Variants in LYVE1 observed in about 807,000 individuals in gnomAD.
The protein encoded by LYVE1 is lymphatic vessel endothelial hyaluronan receptor 1.
LYVE1 carries 29 observed loss-of-function variants against 31.5 expected under a neutral mutation model. The ratio of observed to expected loss-of-function variants is 0.92; its 90% CI spans 0.69 to 1.26. The LOEUF is 1.26. Ranked by LOEUF, LYVE1 falls within the 50% of genes most tolerant of loss-of-function variation. The probability of loss-of-function intolerance (pLI) is 0.00; values close to 1 mark genes in which losing one functional copy is unlikely to be tolerated. For synonymous variants in LYVE1, 134 were observed against 139.4 expected, an observed-to-expected ratio of 0.96 and a Z score of 0.27; for missense variants, 376 against 380.2, an observed-to-expected ratio of 0.99 and a Z score of 0.09.
At chr11:10,562,161 G>A (rs1385878621) in intron 3 of LYVE1, among the ~76,000 whole-genome samples, 1 of 152,172 alleles carries the variant, frequency 6.6e-6, no homozygotes, top group East Asian at 1.9e-4. Context: ...AAAAAGCAAA[G>A]CCATTTGACA....
rs530435882 is a variant in LYVE1 at position 10,563,616 on chromosome 11, C to T, written c.397+324G>A. ...GAGGGACGACTGTGCATCACTTTGT[C>T]CATAATGGATGCATTACATACATCT... On this transcript the variant is annotated intron_variant, in intron 3 of 5. Transcript: ENST00000256178. 1.1e-3 allele frequency among the ~76,000 whole-genome samples: 171 copies of T among 152,246 alleles called. 1 individual carries two copies. The highest frequency in any genetic ancestry group is 3.8e-3 in the African/African-American group (160 of 41,560).
At position 10,563,921 on chromosome 11, in the gene LYVE1, G is replaced by A; in HGVS notation, c.397+19C>T. On this transcript the variant is annotated intron_variant, in intron 3 of 5. Transcript: ENST00000256178. ...ATACCCAGAGAATGCCACGTGGAAA[G>A]GTTGCAGATCAGACTCACCAGATGA... 6.2e-7 allele frequency: 1 copy of A among 1,613,978 alleles called. No homozygotes were observed. Among genetic ancestry groups the A allele is most frequent in the Non-Finnish European group, 8.5e-7 (1 of 1,179,904 alleles).
chr11:10,567,220 T>C lies in LYVE1; in HGVS notation c.85+1228A>G, dbSNP rs146895438. Among the ~76,000 whole-genome samples, 6 of 152,354 alleles carry C rather than the reference T, an allele frequency of 3.9e-5. No individual in the cohort carries two copies. The East Asian group carries it at 1.2e-3, about 29-fold the overall frequency. On this transcript the variant is annotated intron_variant, in intron 1 of 5. Transcript: ENST00000256178. ...TCACTATATACTTGGCCCTCAAATATAGTTCCCACCCCTATTCACTTACCT... is the reference window on the plus strand; with the variant it reads ...TCACTATATACTTGGCCCTCAAATACAGTTCCCACCCCTATTCACTTACCT...
At chr11:10,562,053 T>C (rs16907981) in intron 3 of LYVE1, among the ~76,000 whole-genome samples, 5,884 of 152,284 alleles carry the variant, frequency 0.039, 194 homozygotes, top group African/African-American at 0.097. Context: ...AATGAAACCA[T>C]GAGGAAATAG....
intron 3 of LYVE1, 82 bp downstream of exon 3, chr11:10,563,858 T>C: frequency 1.3e-6 from 2 of 1,543,982 alleles, no homozygotes; most frequent in South Asian, 1.1e-5. Context: ...CTGCTGCTGC[T>C]CAGGGTTACT....
At chr11:10,567,248 A>G (rs1281093810) in intron 1 of LYVE1, among the ~76,000 whole-genome samples, 1 of 152,190 alleles carries the variant, frequency 6.6e-6, no homozygotes, top group African/African-American at 2.4e-5. Flanking sequence ...ACTTACCTTC[A>G]TCAACTACTT....
chr11:10,566,755 G>A lies in LYVE1; in HGVS notation c.85+1693C>T, dbSNP rs141063756. Among the ~76,000 whole-genome samples the A allele has an allele frequency of 2.7e-3, 409 of 152,192 alleles. 2 individuals are homozygous for A. Among genetic ancestry groups the A allele is most frequent in the Middle Eastern group, 0.02 (6 of 294 alleles). Reference sequence around the variant, plus strand: ...TTTTCTATTGTTAACTGGCTGTTGCGACATCAGGCAAGTCAGCATTCTCAT... The same window carrying A: ...TTTTCTATTGTTAACTGGCTGTTGCAACATCAGGCAAGTCAGCATTCTCAT... On this transcript the variant is annotated intron_variant, in intron 1 of 5. Transcript: ENST00000256178.
At chr11:10,561,865 A>G (rs1285636250) in intron 3 of LYVE1, among the ~76,000 whole-genome samples, 3 of 152,166 alleles carry the variant, frequency 2.0e-5, no homozygotes, top group Non-Finnish European at 4.4e-5. Context: ...GAAATACCTA[A>G]CGTAGGTGAC....
In LYVE1 at chr11:10,560,488, C is replaced by T; in HGVS notation, c.703+7G>A. ...ACACACGTAACATAGACACAGAAACCATTTACCTCCAAACCCAGCAGCTTC... is the reference window on the plus strand; with the variant it reads ...ACACACGTAACATAGACACAGAAACTATTTACCTCCAAACCCAGCAGCTTC... On this transcript the variant is annotated splice_region_variant and intron_variant, in intron 4 of 5. Transcript: ENST00000256178. The T allele has an allele frequency of 1.3e-6, 2 of 1,592,534 alleles. No homozygotes were observed. The highest frequency in any genetic ancestry group is 1.7e-6 in the Non-Finnish European group (2 of 1,167,568).
intron 1 of LYVE1, among the ~76,000 whole-genome samples, 164 bp from the exon 2 acceptor site, chr11:10,564,538 C>T (rs1418639683): frequency 6.6e-6 from 1 of 152,208 alleles, no homozygotes. Flanking sequence ...TCCACAAGGA[C>T]CATCTGCTGG....
intron 1 of LYVE1, 39 bp from the exon 2 acceptor site, chr11:10,564,413 C>T: frequency 6.3e-7 from 1 of 1,591,214 alleles, no homozygotes; most frequent in Non-Finnish European, 8.6e-7. Flanking sequence ...TTGCTGCTGT[C>T]CTTGTTTCCA....
chr11:10,559,915 G>C (rs761422124), intron 4 of LYVE1, 21 bp from the exon 5 acceptor site: 2 of 1,562,514 alleles, frequency 1.3e-6, no homozygotes, highest in Non-Finnish European at 8.8e-7. Flanking sequence ...CAGAGACAAG[G>C]CCTGTTGGTC....
chr11:10,564,481 C>G, intron 1 of LYVE1, 107 bp from the exon 2 acceptor site: 3 of 978,296 alleles, frequency 3.1e-6, no homozygotes, highest in East Asian at 2.5e-5. Flanking sequence ...GGAGGTCTAT[C>G]TGGCTGGGAC....
At chr11:10,559,671 G>C (rs1248087097) in intron 5 of LYVE1, 145 bp downstream of exon 5, 13 of 645,708 alleles carry the variant, frequency 2.0e-5, no homozygotes, top group Non-Finnish European at 3.5e-5. Context: ...TGGGCTGAAG[G>C]GAAAGAGATG....
rs551952559 is a variant in LYVE1 at position 10,563,184 on chromosome 11, T to C, written c.397+756A>G. 2.0e-5 allele frequency among the ~76,000 whole-genome samples: 3 copies of C among 152,036 alleles called. No individual in the cohort carries two copies. The South Asian group carries it at 6.2e-4, about 32-fold the overall frequency. On this transcript the variant is annotated intron_variant, in intron 3 of 5. Coordinates refer to ENST00000256178, the MANE Select transcript of LYVE1 (RefSeq NM_006691.4). ...TAGGATGGTCTCAATCTCCTGACCT[T>C]GTGATCTGCCCGCCTCGGCCTCCCA...
In LYVE1 at chr11:10,560,556, T is replaced by G; in HGVS notation, c.642A>C (p.Thr214=). The change falls in exon 4 of 6, where the codon ACA becomes ACC. Residue 214 remains threonine (T), a synonymous_variant. Coordinates refer to ENST00000256178, the MANE Select transcript of LYVE1 (RefSeq NM_006691.4). The stretch of plus-strand genomic sequence containing the variant: ...TATTTTCAACAAATGGTTCAGTTTC[T>G]GTAGACATGGTGCTAGTTTCCATAA... ...EVFMETSTMS[T]ETEPFVENKA... The G allele has an allele frequency of 1.2e-6, 2 of 1,613,952 alleles. No individual in the cohort carries two copies. Among genetic ancestry groups the G allele is most frequent in the South Asian group, 1.1e-5 (1 of 91,038 alleles).
intron 3 of LYVE1, among the ~76,000 whole-genome samples, chr11:10,562,651 G>A (rs552295269): frequency 6.6e-6 from 1 of 152,296 alleles, no homozygotes; most frequent in African/African-American, 2.4e-5. Flanking sequence ...CTGAGAGCAA[G>A]TGAGTATTTA....
At position 10,564,016 on chromosome 11, in the gene LYVE1, C is replaced by G. The variant is rs747906999; in HGVS notation, c.321G>C (p.Gly107=). 3.7e-6 allele frequency: 6 copies of G among 1,614,172 alleles called. No homozygotes were observed. Among genetic ancestry groups the G allele is most frequent in the Non-Finnish European group, 5.1e-6 (6 of 1,180,024 alleles). Residue 107 remains glycine, a synonymous_variant, in exon 3 of 6, where the codon GGG becomes GGC. Transcript: ENST00000256178. The part of the protein sequence containing the change: ...ISRISPNPKC[G]KNGVGVLIWK... ...AAATCAGGACACCCACCCCATTTTT[C>G]CCACACTTGGGGTTTGGGCTAATCC...
intron 1 of LYVE1, 150 bp from the exon 2 acceptor site, chr11:10,564,524 A>T: frequency 1.5e-6 from 1 of 657,412 alleles, no homozygotes; most frequent in South Asian, 2.0e-5. Flanking sequence ...CAGACCAGGC[A>T]TTTTCCACAA....
Sources: allele counts gnomAD v4.1 joint callset (sites outside exome capture counted in the v4.1 genomes callset), GRCh38; gene constraint gnomAD v4.1.1; transcripts MANE v1.5; gene names NCBI Gene and HGNC (gene_info 2026-07-23, HGNC 2026-07-21).